Variants in CHRNA3 observed in about 807,000 individuals in gnomAD.
CHRNA3 encodes the protein cholinergic receptor nicotinic alpha 3 subunit.
Under a neutral mutation model 41.9 loss-of-function variants are expected in CHRNA3, and 34 were observed. That is an observed-to-expected ratio of 0.81 (90% CI 0.62 to 1.08). CHRNA3 has a LOEUF of 1.08. Among genes scored for constraint, CHRNA3 ranks in the 50% least tolerant of loss-of-function variants. The pLI, the probability that CHRNA3 is intolerant of heterozygous loss-of-function variation, is 0.00. For missense variants in CHRNA3, 542 were observed against 638.3 expected, an observed-to-expected ratio of 0.85 and a Z score of 1.63; for synonymous variants, 281 against 265.2, an observed-to-expected ratio of 1.06 and a Z score of -0.58.
chr15:78,618,475 GAT>G (rs1389970688), intron 3 of CHRNA3, 140 bp downstream of exon 3: 1 of 896,276 alleles, frequency 1.1e-6, no homozygotes, highest in African/African-American at 1.7e-5. Flanking sequence ...CCTTAGAAGA[GAT>G]ATATCTGCCA....
At chr15:78,600,916 C>T (rs908707681) in intron 5 of CHRNA3, among the ~76,000 whole-genome samples, 1 of 152,094 alleles carries the variant, frequency 6.6e-6, no homozygotes, top group African/African-American at 2.4e-5. Flanking sequence ...CCAATACTAA[C>T]TGGAGATCAT....
At chr15:78,601,173 C>T (rs947379043) in intron 5 of CHRNA3, 80 bp downstream of exon 5, 6 of 1,436,884 alleles carry the variant, frequency 4.2e-6, no homozygotes, top group Admixed American at 3.7e-5. Context: ...AACCCCCTAC[C>T]CTATGCCTTG....
intron 4 of CHRNA3, 80 bp from the exon 5 acceptor site, chr15:78,602,344 ACAGT>A: frequency 7.0e-7 from 1 of 1,427,520 alleles, no homozygotes; most frequent in Non-Finnish European, 9.5e-7. Context: ...CCAGCTTCTC[ACAGT>A]AAGTAATGAT....
intron 5 of CHRNA3, 46 bp downstream of exon 5, chr15:78,601,207 T>G: frequency 1.3e-6 from 2 of 1,577,102 alleles, no homozygotes; most frequent in Non-Finnish European, 8.6e-7. Flanking sequence ...CCATAAATAT[T>G]TGTTGAATGA....
chr15:78,605,645 G>A (rs2053272583), intron 4 of CHRNA3, among the ~76,000 whole-genome samples: 1 of 152,226 alleles, frequency 6.6e-6, no homozygotes, highest in Non-Finnish European at 1.5e-5. Flanking sequence ...AGGTCAGTCA[G>A]TGCTGACGTG....
intron 4 of CHRNA3, among the ~76,000 whole-genome samples, chr15:78,606,150 G>A (rs998083886): frequency 1.3e-4 from 20 of 151,612 alleles, no homozygotes; most frequent in African/African-American, 7.3e-5. Flanking sequence ...GTGAAACCCC[G>A]TCTCTACCAA....
At chr15:78,605,328 C>T (rs1042310641) in intron 4 of CHRNA3, among the ~76,000 whole-genome samples, 3 of 152,190 alleles carry the variant, frequency 2.0e-5, no homozygotes, top group African/African-American at 7.2e-5. Context: ...AGTTAGGTTA[C>T]ACAGCACCTC....
At chr15:78,608,198 C>A (rs1225407318) in intron 4 of CHRNA3, among the ~76,000 whole-genome samples, 5 of 152,252 alleles carry the variant, frequency 3.3e-5, no homozygotes, top group South Asian at 2.1e-4. Flanking sequence ...CCCTGTCTGA[C>A]AGCTTTGAGG....
Position 78,601,486 on chromosome 15 carries a change from C to T in CHRNA3, c.1156G>A (p.Ala386Thr), listed in dbSNP as rs200539472. The T allele has an allele frequency of 3.0e-5, 48 of 1,614,018 alleles. No homozygotes were observed. The Middle Eastern group carries it at 4.9e-4, about 17-fold the overall frequency. ...ELSNLNCFSR[A>T]ESKGCKEGYP... is the part of the protein sequence containing the mutation. The stretch of plus-strand genomic sequence containing the variant: ...CCCTCCTTGCAGCCTTTGGACTCTG[C>T]GCGGCTGAAGCAATTCAGATTTGAG... Residue 386 changes from alanine (A) to threonine (T), a missense_variant, in exon 5 of 6, where the codon GCA becomes ACA. Coordinates refer to ENST00000326828, the MANE Select transcript of CHRNA3 (RefSeq NM_000743.5).
intron 4 of CHRNA3, among the ~76,000 whole-genome samples, chr15:78,603,165 C>G (rs531559948): frequency 6.6e-6 from 1 of 152,246 alleles, no homozygotes; most frequent in African/African-American, 2.4e-5. Flanking sequence ...AAGCATGTAC[C>G]ACAAACGCTC....
chr15:78,600,764 G>T (rs753214767), intron 5 of CHRNA3, among the ~76,000 whole-genome samples: 2 of 151,530 alleles, frequency 1.3e-5, no homozygotes, highest in Non-Finnish European at 2.9e-5. Flanking sequence ...AGCTACTCGG[G>T]AAACTGAGGT....
Position 78,620,943 on chromosome 15 carries a change from C to T in CHRNA3, c.-149G>A. On this transcript the variant is annotated 5_prime_UTR_variant, in exon 1 of 6. Transcript: ENST00000326828. ...CGCGGGGCTCCTCTCCGCTTCGCCG[C>T]CGCTGGGTTTCCAGCGCCCTCGGAC... 9.1e-7 allele frequency: 1 copy of T among 1,092,974 alleles called. No homozygotes were observed. The highest frequency in any genetic ancestry group is 1.2e-6 in the Non-Finnish European group (1 of 866,296). The allele number at this position is 1,092,974 out of a possible 1,614,324, so 67.7% of individuals were successfully genotyped here.
chr15:78,620,963 T>A lies in CHRNA3; in HGVS notation c.-169A>T, dbSNP rs1056677816. The A allele has an allele frequency of 2.3e-6, 2 of 855,016 alleles. No individual in the cohort carries two copies. Among genetic ancestry groups the A allele is most frequent in the Admixed American group, 5.2e-5 (1 of 19,320 alleles). The allele number at this position is 855,016 out of a possible 1,614,324, so 53.0% of individuals were successfully genotyped here. A position where few individuals can be genotyped will look rare whatever the true frequency, so the allele number is the denominator to read the frequency against. ...CGCCGCCGCTGGGTTTCCAGCGCCC[T>A]CGGACCCGCGGGAGGACAGGAACCA... is the stretch of plus-strand genomic sequence containing the variant. On this transcript the variant is annotated 5_prime_UTR_variant, in exon 1 of 6. Coordinates refer to ENST00000326828, the MANE Select transcript of CHRNA3 (RefSeq NM_000743.5).
At chr15:78,614,357 A>T (rs1354648892) in intron 4 of CHRNA3, among the ~76,000 whole-genome samples, 1 of 152,272 alleles carries the variant, frequency 6.6e-6, no homozygotes. Context: ...GAAGAAAAAA[A>T]TCTGCAAGCC....
chr15:78,601,479 G>A lies in CHRNA3; in HGVS notation c.1163C>T (p.Ser388Phe), dbSNP rs71581734. Residue 388 changes from serine (S) to phenylalanine (F), a missense_variant, in exon 5 of 6, where the codon TCC (serine) becomes TTC (phenylalanine). Ser to Phe is a radical substitution (Grantham distance 155). Coordinates refer to ENST00000326828, the MANE Select transcript of CHRNA3 (RefSeq NM_000743.5). ...GGGGTAGCCCTCCTTGCAGCCTTTGGACTCTGCGCGGCTGAAGCAATTCAG... is the reference window on the plus strand; with the variant it reads ...GGGGTAGCCCTCCTTGCAGCCTTTGAACTCTGCGCGGCTGAAGCAATTCAG... ...SNLNCFSRAESKGCKEGYPCQ... is the reference protein window; with the variant it reads ...SNLNCFSRAEFKGCKEGYPCQ... 347 of 1,614,112 alleles carry A rather than the reference G, an allele frequency of 2.1e-4. 1 individual carries two copies. The Middle Eastern group carries it at 4.3e-3, about 20-fold the overall frequency.
intron 5 of CHRNA3, chr15:78,599,807 G>A: frequency 6.9e-6 from 1 of 144,114 alleles, no homozygotes; most frequent in Non-Finnish European, 1.5e-5. Flanking sequence ...CCTGAGGTCG[G>A]GAGTTCAAGA....
chr15:78,595,196 C>T (rs1044851262), downstream of CHRNA3: 20 of 728,744 alleles, frequency 2.7e-5, no homozygotes, highest in Non-Finnish European at 2.9e-5. Flanking sequence ...TACCTTAGTT[C>T]GTATACATCC....
Position 78,601,366 on chromosome 15 carries a change from C to G in CHRNA3, c.1276G>C (p.Glu426Gln). 1.9e-6 allele frequency: 3 copies of G among 1,614,170 alleles called. No homozygotes were observed. Among genetic ancestry groups the G allele is most frequent in the African/African-American group, 1.3e-5 (1 of 75,042 alleles). The change falls in exon 5 of 6, where the codon GAA becomes CAA. Residue 426 changes from glutamate to glutamine, a missense_variant. Coordinates refer to ENST00000326828, the MANE Select transcript of CHRNA3 (RefSeq NM_000743.5). ...SANLTRSSSS[E>Q]SVDAVLSLSA... ...AGGGACAGCACAGCATCAACAGATT[C>G]AGAACTAGAGCTTCTCGTGAGGTTA...
intron 2 of CHRNA3, 57 bp from the exon 3 acceptor site, chr15:78,618,718 A>G (rs1394892903): frequency 4.3e-6 from 7 of 1,614,130 alleles, no homozygotes; most frequent in Non-Finnish European, 5.9e-6. Context: ...AATTCTGGGA[A>G]AGGCTCCTCC....
Sources: allele counts gnomAD v4.1 joint callset (sites outside exome capture counted in the v4.1 genomes callset), GRCh38; gene constraint gnomAD v4.1.1; transcripts MANE v1.5; gene names NCBI Gene and HGNC (gene_info 2026-07-23, HGNC 2026-07-21).